The following BNC2 variants were observed in gnomAD, a reference collection of about 807,000 sequenced individuals.
BNC2 encodes the protein basonuclin zinc finger protein 2, also known as zinc finger protein basonuclin-2.
In BNC2, 20 loss-of-function variants were observed where a neutral mutation model predicts 76.3. The observed-to-expected ratio is 0.26, with a 90% CI of 0.18 to 0.38. The LOEUF is 0.38. BNC2 is among the 10% of genes least tolerant of loss of function. The pLI is 1.00. For missense variants in BNC2, 1,382 were observed against 1,399.8 expected (o/e 0.99, Z 0.20); for synonymous variants, 582 against 514.8 (o/e 1.13, Z -1.77).
chr9:16,849,637 G>A lies in BNC2; in HGVS notation c.3+21009C>T, dbSNP rs564887504. ...GCCTCCCAAAGTGCTGGGACTATAG[G>A]CGTGAGCCACCGCACCTGACCCCAT... On this transcript the variant is annotated intron_variant, in intron 1 of 6. Transcript: ENST00000380672. Among the ~76,000 whole-genome samples the A allele has an allele frequency of 8.5e-5, 13 of 152,196 alleles. No individual in the cohort carries two copies. The East Asian group carries it at 2.3e-3, about 27-fold the overall frequency.
intron 3 of BNC2, among the ~76,000 whole-genome samples, chr9:16,633,426 A>T (rs1226647890): frequency 6.6e-6 from 1 of 152,228 alleles, no homozygotes; most frequent in East Asian, 1.9e-4. Flanking sequence ...CTACTGTTAC[A>T]ATAACTAAAG....
intron 5 of BNC2, among the ~76,000 whole-genome samples, chr9:16,474,717 A>C (rs187462457): frequency 5.3e-5 from 8 of 152,318 alleles, no homozygotes; most frequent in Admixed American, 5.2e-4. Flanking sequence ...ATTGCACTTG[A>C]AGCTTTCGTT....
chr9:16,852,071 C>T (rs563006272), intron 1 of BNC2, among the ~76,000 whole-genome samples: 12 of 152,236 alleles, frequency 7.9e-5, no homozygotes, highest in African/African-American at 2.4e-4. Context: ...GCAGTCACAC[C>T]GCCTTATTAT....
At chr9:16,582,870 AG>A in intron 4 of BNC2, 112 bp downstream of exon 4, 1 of 844,810 alleles carries the variant, frequency 1.2e-6, no homozygotes, top group Non-Finnish European at 2.0e-6. Context: ...TCTCTTCTCC[AG>A]GCCAGTGACT....
intron 2 of BNC2, among the ~76,000 whole-genome samples, chr9:16,729,128 T>TA (rs1824436292): frequency 6.6e-6 from 1 of 152,198 alleles, no homozygotes; most frequent in African/African-American, 2.4e-5. Flanking sequence ...AAACAAGTCT[T>TA]AAAACTATTC....
chr9:16,704,218 T>C (rs2383004), intron 3 of BNC2, among the ~76,000 whole-genome samples: 92,161 of 152,020 alleles, frequency 0.61, 31,628 homozygotes, highest in Non-Finnish European at 0.8. Context: ...TTATATGTAA[T>C]GCACACGATT....
chr9:16,437,142 C>G lies in BNC2; in HGVS notation c.1052G>C (p.Arg351Thr). 1 of 1,614,172 alleles carries G rather than the reference C, an allele frequency of 6.2e-7. No homozygotes were observed. Among genetic ancestry groups the G allele is most frequent in the Non-Finnish European group, 8.5e-7 (1 of 1,180,026 alleles). Residue 351 changes from arginine to threonine, a missense_variant, in exon 6 of 7, where the codon AGG (arginine) becomes ACG (threonine). Coordinates refer to ENST00000380672, the MANE Select transcript of BNC2 (RefSeq NM_017637.6). ...NGLLLEQPGL[R>T]LREPSLSTQN... ...AGTTGAAAGGCTGGGTTCCCGCAGC[C>G]TCAACCCTGGTTGCTCTAACAGTAG...
intron 5 of BNC2, among the ~76,000 whole-genome samples, chr9:16,469,598 A>G (rs147359870): frequency 1.2e-3 from 176 of 152,308 alleles, no homozygotes; most frequent in African/African-American, 4.0e-3. Flanking sequence ...GTACCAGTAG[A>G]GTGGGGCGTT....
chr9:16,737,342 C>A (rs1393480737), intron 2 of BNC2, among the ~76,000 whole-genome samples: 1 of 149,270 alleles, frequency 6.7e-6, no homozygotes, highest in Non-Finnish European at 1.5e-5. Context: ...GCTCCGCCTC[C>A]CAAGCTCACA....
At chr9:16,848,148 C>T (rs1177633979) in intron 1 of BNC2, among the ~76,000 whole-genome samples, 1 of 152,124 alleles carries the variant, frequency 6.6e-6, no homozygotes, top group Non-Finnish European at 1.5e-5. Context: ...ACATAAATTT[C>T]TTTTGCTGAG....
Position 16,419,224 on chromosome 9 carries a change from G to C in BNC2, c.3065C>G (p.Ser1022Cys), listed in dbSNP as rs1309358409. ...PGSLGAEVSG[S>C]LMFSSLSGSN... Reference sequence around the variant, plus strand: ...CCCAGACAAGCTGCTGAACATAAGAGATCCTGAAACTTCAGCCCCTAGGCT... The same window carrying C: ...CCCAGACAAGCTGCTGAACATAAGACATCCTGAAACTTCAGCCCCTAGGCT... Residue 1022 changes from serine (S) to cysteine (C), a missense_variant, in exon 7 of 7, where the codon TCT (serine) becomes TGT (cysteine). Ser to Cys is a moderately radical substitution (Grantham distance 112). Coordinates refer to ENST00000380672, the MANE Select transcript of BNC2 (RefSeq NM_017637.6). 1.2e-6 allele frequency: 2 copies of C among 1,614,200 alleles called. No homozygotes were observed. The highest frequency in any genetic ancestry group is 1.7e-6 in the Non-Finnish European group (2 of 1,180,038).
intron 1 of BNC2, among the ~76,000 whole-genome samples, chr9:16,866,435 C>T (rs999113141): frequency 2.0e-5 from 3 of 151,730 alleles, no homozygotes; most frequent in Non-Finnish European, 4.4e-5. Flanking sequence ...TCGGTGATTT[C>T]GTAGGAAGCT....
At chr9:16,665,480 AAGAAAGAAAG>A (rs750160991) in intron 3 of BNC2, among the ~76,000 whole-genome samples, 205 of 132,082 alleles carry the variant, frequency 1.6e-3, no homozygotes, top group East Asian at 3.9e-3. Flanking sequence ...GAAAGAAAGA[AAGAAAGAAAG>A]AGAGAGAGAG....
Position 16,864,672 on chromosome 9 carries a change from G to A in BNC2, c.3+5974C>T, listed in dbSNP as rs1819497181. Among the ~76,000 whole-genome samples the A allele has an allele frequency of 2.6e-5, 4 of 152,130 alleles. No individual in the cohort carries two copies. In the South Asian group the frequency reaches 8.3e-4, roughly 31 times the overall value. ...GGATGCATATCAACATGTGGCACAT[G>A]TCCTTGACATGCACAGAAGAGCTGC... On this transcript the variant is annotated intron_variant, in intron 1 of 6. Coordinates refer to ENST00000380672, the MANE Select transcript of BNC2 (RefSeq NM_017637.6).
At chr9:16,484,871 G>C (rs1217887298) in intron 5 of BNC2, among the ~76,000 whole-genome samples, 2 of 152,216 alleles carry the variant, frequency 1.3e-5, no homozygotes, top group African/African-American at 4.8e-5. Context: ...CCAATGACAA[G>C]TGATGGGGGA....
intron 3 of BNC2, among the ~76,000 whole-genome samples, chr9:16,699,930 C>T (rs1185976728): frequency 6.6e-6 from 1 of 152,180 alleles, no homozygotes; most frequent in Non-Finnish European, 1.5e-5. Context: ...AAAGATATTA[C>T]AGAATTATCA....
intron 1 of BNC2, among the ~76,000 whole-genome samples, chr9:16,860,731 G>A (rs982135635): frequency 6.6e-6 from 1 of 152,226 alleles, no homozygotes; most frequent in African/African-American, 2.4e-5. Context: ...TGCTTGAAAA[G>A]GCACCATCAA....
At chr9:16,575,490 A>C in intron 4 of BNC2, 5 of 970,972 alleles carry the variant, frequency 5.1e-6, no homozygotes, top group Non-Finnish European at 6.1e-6. Flanking sequence ...CGCTGGGTTT[A>C]AAGAAAATTT....
chr9:16,616,940 T>A (rs1820723084), intron 3 of BNC2, among the ~76,000 whole-genome samples: 1 of 152,158 alleles, frequency 6.6e-6, no homozygotes, highest in African/African-American at 2.4e-5. Context: ...TGCCACCACT[T>A]GTGCAAGTAT....
Sources: gnomAD v4.1 joint callset for allele counts (sites outside exome capture counted in the v4.1 genomes callset) on GRCh38, gnomAD v4.1.1 for gene constraint, MANE v1.5 for transcripts, NCBI Gene and HGNC (gene_info 2026-07-23, HGNC 2026-07-21) for gene names.